Variants in NSRP1 observed in about 807,000 individuals in gnomAD.
The protein encoded by NSRP1 is coiled-coil domain containing 55.
NSRP1 carries 24 observed loss-of-function variants against 54.7 expected under a neutral mutation model. The ratio of observed to expected loss-of-function variants is 0.44; its 90% CI spans 0.32 to 0.62. The LOEUF (loss-of-function observed/expected upper bound fraction) is 0.62, where lower values mean the gene tolerates loss of function less well. Ranked by LOEUF, NSRP1 falls within the 20% of genes least tolerant of loss-of-function variation. The probability of loss-of-function intolerance (pLI) is 0.06; values close to 1 mark genes in which losing one functional copy is unlikely to be tolerated. For missense variants in NSRP1, 596 were observed against 651.2 expected (o/e 0.92, Z 0.92); for synonymous variants, 210 against 213.8 (o/e 0.98, Z 0.15).
intron 4 of NSRP1, 80 bp from the exon 5 acceptor site, chr17:30,179,006 ATCTT>A: frequency 1.2e-6 from 1 of 808,990 alleles, no homozygotes; most frequent in Non-Finnish European, 1.8e-6. Context: ...AATCATTTCT[ATCTT>A]AATGAATTCA....
At chr17:30,164,247 G>A (rs983011455) in intron 2 of NSRP1, among the ~76,000 whole-genome samples, 1 of 152,030 alleles carries the variant, frequency 6.6e-6, no homozygotes, top group Non-Finnish European at 1.5e-5. Flanking sequence ...CACATATTAG[G>A]CTGTCAGCAT....
At chr17:30,145,912 T>C (rs2071850454) in intron 2 of NSRP1, among the ~76,000 whole-genome samples, 1 of 152,204 alleles carries the variant, frequency 6.6e-6, no homozygotes, top group Non-Finnish European at 1.5e-5. Flanking sequence ...TGCAGAGGCA[T>C]GACCATGGCT....
chr17:30,150,695 T>G (rs1597607380), intron 2 of NSRP1: 1 of 132,896 alleles, frequency 7.5e-6, no homozygotes, highest in Non-Finnish European at 1.6e-5. Flanking sequence ...TTTTTTTTTT[T>G]TTTTTTTTTT....
At chr17:30,157,012 G>A (rs912282826) in intron 2 of NSRP1, among the ~76,000 whole-genome samples, 1 of 152,138 alleles carries the variant, frequency 6.6e-6, no homozygotes, top group Admixed American at 6.6e-5. Context: ...ATACCCAGTA[G>A]TGATATTGCT....
At chr17:30,146,506 G>A (rs866905824) in intron 2 of NSRP1, among the ~76,000 whole-genome samples, 6 of 152,228 alleles carry the variant, frequency 3.9e-5, no homozygotes, top group Admixed American at 6.5e-5. Flanking sequence ...TGGGATTACA[G>A]GTGTGAGCCA....
At chr17:30,131,425 G>A (rs2071698347) in intron 2 of NSRP1, among the ~76,000 whole-genome samples, 1 of 152,180 alleles carries the variant, frequency 6.6e-6, no homozygotes, top group African/African-American at 2.4e-5. Context: ...TATGGTTCCA[G>A]ACCACTGCAA....
intron 2 of NSRP1, among the ~76,000 whole-genome samples, chr17:30,129,915 G>A (rs2071684295): frequency 6.6e-6 from 1 of 152,048 alleles, no homozygotes; most frequent in African/African-American, 2.4e-5. Context: ...TTATGGTACC[G>A]AGTATATCAA....
Position 30,176,092 on chromosome 17 carries a change from TTTGTTG to T in NSRP1, c.172-1967_172-1962del, listed in dbSNP as rs917622998. Among the ~76,000 whole-genome samples the T allele has an allele frequency of 2.9e-5, 4 of 136,832 alleles. No individual in the cohort carries two copies. The Admixed American group carries it at 3.1e-4, about 10-fold the overall frequency. 89.8% of individuals were successfully genotyped at this position (136,832 alleles called of 152,430 possible). ...TCCATATATATTCATACTGTTTTTT[TTTGTTG>T]TTGTTGTTGTTTTGTTTTGTTTTGT... On this transcript the variant is annotated intron_variant, in intron 3 of 6. Transcript: ENST00000247026.
At chr17:30,118,012 G>A in intron 1 of NSRP1, 68 bp from the exon 2 acceptor site, 5 of 1,177,700 alleles carry the variant, frequency 4.2e-6, no homozygotes, top group South Asian at 1.2e-5. Flanking sequence ...TGTGGAAGAG[G>A]TAGTAGATGT....
At position 30,118,184 on chromosome 17, in the gene NSRP1, C is replaced by G; in HGVS notation, c.114+11C>G. ...GATGATGATGATGAGGTAAGGAAAC[C>G]TATGTTTTACTCGTGCATGGTTGGA... On this transcript the variant is annotated intron_variant, in intron 2 of 6. Coordinates refer to ENST00000247026, the MANE Select transcript of NSRP1 (RefSeq NM_032141.4). 6.3e-7 allele frequency: 1 copy of G among 1,597,692 alleles called. No homozygotes were observed. The highest frequency in any genetic ancestry group is 8.6e-7 in the Non-Finnish European group (1 of 1,166,512).
intron 1 of NSRP1, 108 bp downstream of exon 1, chr17:30,116,971 A>G: frequency 2.9e-6 from 4 of 1,366,650 alleles, no homozygotes; most frequent in Middle Eastern, 1.8e-4. Context: ...CTGTGTCGTC[A>G]AGGGTAGAGA....
intron 2 of NSRP1, among the ~76,000 whole-genome samples, chr17:30,134,458 A>G (rs966161828): frequency 6.6e-6 from 1 of 152,248 alleles, no homozygotes; most frequent in Non-Finnish European, 1.5e-5. Flanking sequence ...GTGAAGCACA[A>G]TAAAACAAGG....
chr17:30,117,411 T>C, intron 1 of NSRP1: 1 of 451,036 alleles, frequency 2.2e-6, no homozygotes, highest in Admixed American at 3.8e-5. Context: ...TTACCTTTGA[T>C]GTGTAATCCT....
chr17:30,141,314 TTTA>T (rs1456035261), intron 2 of NSRP1, among the ~76,000 whole-genome samples: 4 of 152,316 alleles, frequency 2.6e-5, no homozygotes, highest in African/African-American at 9.6e-5. Flanking sequence ...GCCACAGGCT[TTTA>T]TTTAGTGACC....
At chr17:30,159,763 ACTCTCCTGCCTCAGCCTCCCAAGTAG>A (rs1191053643) in intron 2 of NSRP1, among the ~76,000 whole-genome samples, 30 of 151,960 alleles carry the variant, frequency 2.0e-4, no homozygotes, top group Middle Eastern at 3.4e-3. Flanking sequence ...GGTTCAAGTG[ACTCTCCTGCCTCAGCCTCCCAAGTAG>A]CTGGGACTAC....
chr17:30,132,142 G>A (rs2071705789), intron 2 of NSRP1, among the ~76,000 whole-genome samples: 2 of 151,558 alleles, frequency 1.3e-5, no homozygotes, highest in Admixed American at 6.6e-5. Flanking sequence ...CAGCTACTCC[G>A]GAGGCTGAGG....
Position 30,185,817 on chromosome 17 carries a change from G to A in NSRP1, c.*143G>A, listed in dbSNP as rs184706456. 10 of 868,928 alleles carry A rather than the reference G, an allele frequency of 1.2e-5. No homozygotes were observed. Among genetic ancestry groups the A allele is most frequent in the East Asian group, 2.7e-5 (1 of 37,190 alleles). 53.8% of individuals were successfully genotyped at this position (868,928 alleles called of 1,614,324 possible). ...TTTCAAAATTTTAAGTTAAAAGTCA[G>A]TCTTACAGCTTGGATGTTTGGATGT... is the stretch of plus-strand genomic sequence containing the variant. On this transcript the variant is annotated 3_prime_UTR_variant, in exon 7 of 7. Coordinates refer to ENST00000247026, the MANE Select transcript of NSRP1 (RefSeq NM_032141.4).
At chr17:30,154,913 A>G (rs866711685) in intron 2 of NSRP1, among the ~76,000 whole-genome samples, 2 of 152,144 alleles carry the variant, frequency 1.3e-5, no homozygotes, top group African/African-American at 2.4e-5. Flanking sequence ...TGGATTAGGG[A>G]TATTCAGCCT....
intron 3 of NSRP1, among the ~76,000 whole-genome samples, chr17:30,175,257 G>A (rs576444259): frequency 6.6e-5 from 10 of 151,960 alleles, no homozygotes; most frequent in Non-Finnish European, 1.0e-4. Context: ...TATTTTTGTT[G>A]TTTCATGCAA....
Sources: allele counts gnomAD v4.1 joint callset (sites outside exome capture counted in the v4.1 genomes callset), GRCh38; gene constraint gnomAD v4.1.1; transcripts MANE v1.5; gene names NCBI Gene and HGNC (gene_info 2026-07-23, HGNC 2026-07-21).